The following DMC1 variants were observed in gnomAD, a reference collection of about 807,000 sequenced individuals.
The protein encoded by DMC1 is meiotic recombination protein DMC1 homolog.
Under a neutral mutation model 50.1 loss-of-function variants are expected in DMC1, and 27 were observed. The observed-to-expected ratio is 0.54, with a 90% CI of 0.40 to 0.74. DMC1 has a LOEUF of 0.74. Among genes scored for constraint, DMC1 ranks in the 30% least tolerant of loss-of-function variants. DMC1 has a pLI of 0.00. For missense variants in DMC1, 295 were observed against 420.2 expected (o/e 0.70, Z 2.60); for synonymous variants, 148 against 136.1 (o/e 1.09, Z -0.61).
In DMC1 at chr22:38,569,818, CT is replaced by C. The variant is rs925938849; in HGVS notation, c.-34+224del. On this transcript the variant is annotated intron_variant, in intron 1 of 13. Coordinates refer to ENST00000216024, the MANE Select transcript of DMC1 (RefSeq NM_007068.4). ...GGACATTTTCCTGACACCGGATTCC[CT>C]GGTCAGGAGGATGAGGCGGGCTCTC... 8.5e-5 allele frequency among the ~76,000 whole-genome samples: 13 copies of C among 152,324 alleles called. 1 individual carries two copies. Among genetic ancestry groups the C allele is most frequent in the African/African-American group, 1.4e-4 (6 of 41,578 alleles).
chr22:38,528,247 A>C (rs995706571), intron 12 of DMC1, among the ~76,000 whole-genome samples: 3 of 151,446 alleles, frequency 2.0e-5, no homozygotes, highest in Non-Finnish European at 4.4e-5. Context: ...TACTTTTAGG[A>C]GATACAGAGT....
chr22:38,534,268 G>A (rs188731696), intron 12 of DMC1, among the ~76,000 whole-genome samples: 1 of 152,348 alleles, frequency 6.6e-6, no homozygotes, highest in Admixed American at 6.5e-5. Context: ...ATTTCTGAAT[G>A]TGATAATTAT....
At chr22:38,516,870 G>C (rs1270252842), downstream of DMC1, among the ~76,000 whole-genome samples, 1 of 152,090 alleles carries the variant, frequency 6.6e-6, no homozygotes, top group Non-Finnish European at 1.5e-5. Flanking sequence ...CTGTCGCCCA[G>C]GCTGGAGTAC....
intron 4 of DMC1, among the ~76,000 whole-genome samples, chr22:38,563,942 C>T (rs1359374227): frequency 3.3e-5 from 5 of 152,090 alleles, no homozygotes; most frequent in Admixed American, 6.6e-5. Context: ...CCTCATGATC[C>T]GCCTGCCTCG....
chr22:38,548,604 T>C (rs932284769), intron 8 of DMC1, among the ~76,000 whole-genome samples: 2 of 152,108 alleles, frequency 1.3e-5, no homozygotes, highest in Admixed American at 6.6e-5. Flanking sequence ...CCAGGCGTGA[T>C]GGCTCACGCC....
chr22:38,557,953 G>GTTTTT (rs1555940699), intron 5 of DMC1, among the ~76,000 whole-genome samples: 8 of 94,974 alleles, frequency 8.4e-5, no homozygotes, highest in African/African-American at 2.1e-4. Context: ...ATTAGACAAA[G>GTTTTT]TTCTTTTTTT....
intron 12 of DMC1, among the ~76,000 whole-genome samples, chr22:38,528,642 C>G (rs968669763): frequency 1.3e-5 from 2 of 151,836 alleles, no homozygotes; most frequent in Non-Finnish European, 2.9e-5. Flanking sequence ...AAAAAATTAA[C>G]CCGGTGTGGT....
At chr22:38,529,019 CT>C (rs978689136) in intron 12 of DMC1, among the ~76,000 whole-genome samples, 30 of 147,880 alleles carry the variant, frequency 2.0e-4, no homozygotes, top group Admixed American at 2.0e-4. Context: ...TTCTTTCTTT[CT>C]TTTTTTTTTG....
intron 8 of DMC1, 105 bp downstream of exon 8, chr22:38,549,820 T>C: frequency 1.2e-6 from 1 of 837,144 alleles, no homozygotes; most frequent in Non-Finnish European, 2.0e-6. Flanking sequence ...TCATTACTAC[T>C]GGTTTATGGA....
chr22:38,553,587 G>C (rs1233660403), intron 6 of DMC1, among the ~76,000 whole-genome samples: 1 of 151,896 alleles, frequency 6.6e-6, no homozygotes, highest in Non-Finnish European at 1.5e-5. Context: ...ACTTTGGGAG[G>C]ATGAGATGAA....
At chr22:38,538,680 T>A (rs1569159587) in intron 9 of DMC1, 68 bp from the exon 10 acceptor site, 1 of 1,345,082 alleles carries the variant, frequency 7.4e-7, no homozygotes, top group Non-Finnish European at 1.1e-6. Flanking sequence ...TCATTCATAT[T>A]CTTGGGAGCC....
intron 12 of DMC1, among the ~76,000 whole-genome samples, chr22:38,524,293 A>G (rs558641213): frequency 6.6e-6 from 1 of 152,270 alleles, no homozygotes; most frequent in Admixed American, 6.5e-5. Flanking sequence ...GTGCACCTGC[A>G]GTCCCAGCTA....
At chr22:38,541,682 G>A (rs1468661569) in intron 8 of DMC1, among the ~76,000 whole-genome samples, 4 of 152,072 alleles carry the variant, frequency 2.6e-5, no homozygotes, top group Non-Finnish European at 2.9e-5. Context: ...CCCTGTAACC[G>A]GTTACGGAAA....
At chr22:38,553,504 A>T (rs2090436133) in intron 6 of DMC1, among the ~76,000 whole-genome samples, 2 of 150,478 alleles carry the variant, frequency 1.3e-5, no homozygotes, top group South Asian at 2.1e-4. Flanking sequence ...TCTCAAAAAA[A>T]AAAAAAAAAA....
chr22:38,525,311 A>G (rs1409357873), intron 12 of DMC1, among the ~76,000 whole-genome samples: 2 of 152,188 alleles, frequency 1.3e-5, no homozygotes, highest in African/African-American at 4.8e-5. Context: ...ACTGTAATTC[A>G]GGGAACTTTT....
rs568244468 is a variant in DMC1 at position 38,553,447 on chromosome 22, G to C, written c.380-740C>G. Reference sequence around the variant, plus strand: ...CGGGAGGCGGAGCTTGCAGTGAGCCGAGATCGCGCCACTGCACTCCAGCCT... The same window carrying C: ...CGGGAGGCGGAGCTTGCAGTGAGCCCAGATCGCGCCACTGCACTCCAGCCT... On this transcript the variant is annotated intron_variant, in intron 6 of 13. Transcript: ENST00000216024. Among the ~76,000 whole-genome samples the C allele has an allele frequency of 2.7e-4, 39 of 145,986 alleles. No homozygotes were observed. In the South Asian group the frequency reaches 7.4e-3, roughly 28 times the overall value.
intron 8 of DMC1, among the ~76,000 whole-genome samples, chr22:38,547,216 G>A (rs1002215875): frequency 2.6e-5 from 4 of 152,154 alleles, no homozygotes; most frequent in African/African-American, 9.7e-5. Flanking sequence ...TTATTTCGTA[G>A]AGACACTATG....
Position 38,538,625 on chromosome 22 carries a change from GC to G in DMC1, c.587-14del. 1 of 1,609,088 alleles carries G rather than the reference GC, an allele frequency of 6.2e-7. No individual in the cohort carries two copies. Among genetic ancestry groups the G allele is most frequent in the Non-Finnish European group, 8.5e-7 (1 of 1,175,514 alleles). ...ATCTGATGTTCACCTGATGGGAAAT[GC>G]AGTGAGAAAATGTTATAAAAGTTGA... On this transcript the variant is annotated splice_polypyrimidine_tract_variant and intron_variant, in intron 9 of 13. Coordinates refer to ENST00000216024, the MANE Select transcript of DMC1 (RefSeq NM_007068.4).
the DMC1 span, among the ~76,000 whole-genome samples, chr22:38,512,104 A>C: frequency 1.3e-5 from 2 of 151,996 alleles, no homozygotes; most frequent in Non-Finnish European, 2.9e-5. Flanking sequence ...CCTCCTGAGT[A>C]ACTGGGAGTA....
Sources: gnomAD v4.1 joint callset for allele counts (sites outside exome capture counted in the v4.1 genomes callset) on GRCh38, gnomAD v4.1.1 for gene constraint, MANE v1.5 for transcripts, NCBI Gene and HGNC (gene_info 2026-07-23, HGNC 2026-07-21) for gene names.